CCDC88A: variants seen among roughly 807,000 people sequenced by gnomAD.
The protein encoded by CCDC88A is girdin.
Under a neutral mutation model 234.3 loss-of-function variants are expected in CCDC88A, and 54 were observed. The ratio of observed to expected loss-of-function variants is 0.23; its 90% confidence interval spans 0.19 to 0.29. The LOEUF (loss-of-function observed/expected upper bound fraction) is 0.29, where lower values mean the gene tolerates loss of function less well. Ranked by LOEUF, CCDC88A falls within the 10% of genes least tolerant of loss-of-function variation. The pLI is 1.00. For synonymous variants in CCDC88A, 753 were observed against 737.8 expected, an observed-to-expected ratio of 1.02 and a Z score of -0.33; for missense variants, 1,832 against 2,123.4, an observed-to-expected ratio of 0.86 and a Z score of 2.70.
At position 55,309,465 on chromosome 2, in the gene CCDC88A, G is replaced by A. The variant is rs561817583; in HGVS notation, c.4080-211C>T. On this transcript the variant is annotated intron_variant, in intron 23 of 32. Coordinates refer to ENST00000436346, the MANE Select transcript of CCDC88A (RefSeq NM_001365480.1). The surrounding 1 kb of genome is among the most constrained non-coding windows in gnomAD (Gnocchi z 5.1). ...AAATTTACATTTTTTTTTCCTTTTT[G>A]GAAGAAAGGTGACCTATTACAATTT... Among the ~76,000 whole-genome samples, 1 of 150,850 alleles carries A rather than the reference G, an allele frequency of 6.6e-6. No individual in the cohort carries two copies. The highest frequency in any genetic ancestry group is 2.1e-4 in the South Asian group (1 of 4,782).
At chr2:55,386,180 C>T (rs1231097413) in intron 3 of CCDC88A, among the ~76,000 whole-genome samples, 1 of 150,998 alleles carries the variant, frequency 6.6e-6, no homozygotes, top group Non-Finnish European at 1.5e-5. Context: ...CAAGATCATG[C>T]CACTGCCCTC....
chr2:55,300,568 T>C (rs576445434), intron 28 of CCDC88A: 1 of 152,708 alleles, frequency 6.5e-6, no homozygotes, highest in Non-Finnish European at 1.5e-5. Context: ...TGGAGTGCAA[T>C]GACACAATCT....
intron 30 of CCDC88A, 81 bp downstream of exon 30, chr2:55,296,177 A>AAC: frequency 6.9e-7 from 1 of 1,458,860 alleles, no homozygotes; most frequent in Admixed American, 2.3e-5. Flanking sequence ...ACTTACCAAA[A>AAC]AAAAAAAGCT....
chr2:55,313,824 A>C (rs904102766), intron 22 of CCDC88A: 20 of 152,200 alleles, frequency 1.3e-4, no homozygotes, highest in African/African-American at 4.8e-4. Context: ...ACAACCATCT[A>C]GATCTGTAAC....
At chr2:55,291,538 G>A in intron 32 of CCDC88A, 138 bp downstream of exon 32, 1 of 421,314 alleles carries the variant, frequency 2.4e-6, no homozygotes, top group Non-Finnish European at 4.2e-6. Flanking sequence ...TGCTTCACTA[G>A]TAAGTAGAAC....
chr2:55,298,324 T>A (rs112224206), intron 29 of CCDC88A, among the ~76,000 whole-genome samples: 2,428 of 136,302 alleles, frequency 0.018, 74 homozygotes, highest in African/African-American at 0.059. Flanking sequence ...TACATTTTTC[T>A]ACTGGATGTA....
intron 3 of CCDC88A, among the ~76,000 whole-genome samples, chr2:55,380,931 T>C (rs1036289128): frequency 3.3e-5 from 5 of 152,198 alleles, no homozygotes; most frequent in Non-Finnish European, 7.3e-5. Context: ...CAGTTTTTAG[T>C]TGACCATCTA....
At chr2:55,300,751 T>A (rs888215916) in intron 28 of CCDC88A, 1 of 154,132 alleles carries the variant, frequency 6.5e-6, no homozygotes, top group African/African-American at 2.4e-5. Context: ...CCTCAGGTGA[T>A]CCGCATGCCG....
intron 5 of CCDC88A, among the ~76,000 whole-genome samples, chr2:55,371,830 T>C (rs1558761208): frequency 6.6e-6 from 1 of 152,132 alleles, no homozygotes; most frequent in Non-Finnish European, 1.5e-5. Flanking sequence ...TTCGCAAGTG[T>C]CCCAATTTCG....
chr2:55,378,385 A>G (rs1342174113), intron 3 of CCDC88A, among the ~76,000 whole-genome samples: 1 of 152,244 alleles, frequency 6.6e-6, no homozygotes, highest in Non-Finnish European at 1.5e-5. Context: ...TATCATCTAA[A>G]AATGTACTCT....
chr2:55,296,766 C>T (rs1680076291), intron 29 of CCDC88A: 3 of 499,700 alleles, frequency 6.0e-6, no homozygotes, highest in Non-Finnish European at 1.1e-5. Flanking sequence ...CAAAGACTTG[C>T]TTTTACTATC....
chr2:55,329,732 C>T (rs768721080), intron 16 of CCDC88A: 2 of 152,162 alleles, frequency 1.3e-5, no homozygotes, highest in African/African-American at 4.8e-5. Flanking sequence ...AGAGAAAAGA[C>T]AAGAGTGATC....
chr2:55,325,951 T>C (rs1684207574), intron 17 of CCDC88A, among the ~76,000 whole-genome samples: 1 of 152,186 alleles, frequency 6.6e-6, no homozygotes, highest in Non-Finnish European at 1.5e-5. Flanking sequence ...AGCAATTTTT[T>C]GATGAGTGCT....
intron 5 of CCDC88A, among the ~76,000 whole-genome samples, chr2:55,369,350 C>A (rs1672487557): frequency 1.3e-5 from 2 of 151,756 alleles, no homozygotes; most frequent in East Asian, 3.9e-4. Flanking sequence ...TGAACTCTAT[C>A]TTAAAGTGGC....
rs1204760959 is a variant in CCDC88A, at chr2:55,334,051, A to C, written c.2727+43T>G. On this transcript the variant is annotated intron_variant, in intron 15 of 32. Transcript: ENST00000436346. This position sits in a 1 kb window ranked among gnomAD's most constrained non-coding sequence, Gnocchi z 6.1. Reference sequence around the variant, plus strand: ...AAACTTAAAGAAACCTTGAGTTAAAAATATAAAAAAAAATTTGCCTTAATT... The same window carrying C: ...AAACTTAAAGAAACCTTGAGTTAAACATATAAAAAAAAATTTGCCTTAATT... 9.7e-6 allele frequency: 7 copies of C among 723,220 alleles called. No homozygotes were observed. Among genetic ancestry groups the C allele is most frequent in the South Asian group, 5.8e-5 (1 of 17,104 alleles). The allele number at this position is 723,220 out of a possible 1,614,324, so 44.8% of individuals were successfully genotyped here. A position where few individuals can be genotyped will look rare whatever the true frequency, so the allele number is the denominator to read the frequency against.
chr2:55,291,645 A>G, intron 32 of CCDC88A, 31 bp downstream of exon 32: 2 of 985,132 alleles, frequency 2.0e-6, no homozygotes, highest in Non-Finnish European at 1.6e-6. Context: ...AATGAGACTA[A>G]TCTCATTTAC....
chr2:55,366,534 TACACACACACAC>T lies in CCDC88A; in HGVS notation c.403-2513_403-2502del, dbSNP rs201666406. ...AGAGCAAGACTCTGTCACACACACA[TACACACACACAC>T]ACACACACACACACACACACACACA... On this transcript the variant is annotated intron_variant, in intron 5 of 32. Transcript: ENST00000436346. 9.4e-3 allele frequency among the ~76,000 whole-genome samples: 1,195 copies of T among 127,666 alleles called. 5 individuals are homozygous for T. The highest frequency in any genetic ancestry group is 0.013 in the Non-Finnish European group (741 of 58,162). 83.8% of individuals were successfully genotyped at this position (127,666 alleles called of 152,430 possible). A position where few individuals can be genotyped will look rare whatever the true frequency, so the allele number is the denominator to read the frequency against.
Position 55,404,711 on chromosome 2 carries a change from T to C in CCDC88A, c.164+14105A>G, listed in dbSNP as rs1311281542. 2.6e-5 allele frequency: 4 copies of C among 152,286 alleles called. No individual in the cohort carries two copies. The East Asian group carries it at 7.7e-4, about 29-fold the overall frequency. 9.4% of individuals were successfully genotyped at this position (152,286 alleles called of 1,614,324 possible). On this transcript the variant is annotated intron_variant, in intron 2 of 32. Coordinates refer to ENST00000436346, the MANE Select transcript of CCDC88A (RefSeq NM_001365480.1). The stretch of plus-strand genomic sequence containing the variant: ...AATGGTCCATGAGAAAGAAACTGTT[T>C]TGGGGACCTCCAATTTAGCAAAATA...
chr2:55,328,470 G>A lies in CCDC88A; in HGVS notation c.2856-35C>T. Reference sequence around the variant, plus strand: ...TACAAAGTAATGTAGTTCATTATTGGAGGTCAGAAAATTATTTTTAAAGAT... The same window carrying A: ...TACAAAGTAATGTAGTTCATTATTGAAGGTCAGAAAATTATTTTTAAAGAT... On this transcript the variant is annotated intron_variant, in intron 16 of 32. Transcript: ENST00000436346. The surrounding 1 kb of genome is among the most constrained non-coding windows in gnomAD (Gnocchi z 4.3). 1 of 1,408,654 alleles carries A rather than the reference G, an allele frequency of 7.1e-7. No individual in the cohort carries two copies. The highest frequency in any genetic ancestry group is 9.5e-7 in the Non-Finnish European group (1 of 1,053,984). 87.3% of individuals were successfully genotyped at this position (1,408,654 alleles called of 1,614,324 possible). A position where few individuals can be genotyped will look rare whatever the true frequency, so the allele number is the denominator to read the frequency against.
Sources: allele counts gnomAD v4.1 joint callset (sites outside exome capture counted in the v4.1 genomes callset), GRCh38; gene constraint gnomAD v4.1.1; non-coding constraint Gnocchi (gnomAD v3.1); transcripts MANE v1.5; gene names NCBI Gene and HGNC (gene_info 2026-07-23, HGNC 2026-07-21).